BCL7C: variants seen among roughly 807,000 people sequenced by gnomAD.
The protein encoded by BCL7C is B-cell CLL/lymphoma 7 protein family member C.
In BCL7C, 8 loss-of-function variants were observed where a neutral mutation model predicts 26.2. The ratio of observed to expected loss-of-function variants is 0.30; its 90% CI spans 0.18 to 0.55. The LOEUF is 0.55. Among genes scored for constraint, BCL7C ranks in the 20% least tolerant of loss-of-function variants. The pLI is 0.93. For synonymous variants in BCL7C, 90 were observed against 116.5 expected (o/e 0.77, Z 1.47); for missense variants, 262 against 298.5 (o/e 0.88, Z 0.90).
chr16:30,882,690 A>G (rs192738809), intron 5 of BCL7C, among the ~76,000 whole-genome samples: 1 of 152,256 alleles, frequency 6.6e-6, no homozygotes, highest in East Asian at 1.9e-4. Flanking sequence ...AAGGACAGGA[A>G]GGTTCTAACT....
chr16:30,881,849 C>T (rs753469312), intron 5 of BCL7C, among the ~76,000 whole-genome samples: 6 of 152,226 alleles, frequency 3.9e-5, no homozygotes, highest in Non-Finnish European at 7.3e-5. Context: ...AAATCACACC[C>T]TGCTCTCTCC....
chr16:30,837,802 G>C (rs182764790), intron 5 of BCL7C, among the ~76,000 whole-genome samples: 22 of 152,288 alleles, frequency 1.4e-4, no homozygotes, highest in Admixed American at 1.4e-3. Context: ...GCTTTCCCAG[G>C]CATGCTGTCT....
chr16:30,864,128 C>A (rs188776706), intron 5 of BCL7C, among the ~76,000 whole-genome samples: 1 of 152,090 alleles, frequency 6.6e-6, no homozygotes, highest in African/African-American at 2.4e-5. Flanking sequence ...ATCACCGAGG[C>A]CCTGATTTAC....
In BCL7C at chr16:30,838,847, T is replaced by C. The variant is rs542563873; in HGVS notation, c.529-3699A>G. Reference sequence around the variant, plus strand: ...TATATCAGACCAGTGGCAAAATTTTTTTTCTGGGTATTAATAATGCATTAT... The same window carrying C: ...TATATCAGACCAGTGGCAAAATTTTCTTTCTGGGTATTAATAATGCATTAT... On this transcript the variant is annotated intron_variant, in intron 5 of 5. Transcript: ENST00000380317. 2.0e-5 allele frequency among the ~76,000 whole-genome samples: 3 copies of C among 152,328 alleles called. No homozygotes were observed. The South Asian group carries it at 6.2e-4, about 32-fold the overall frequency.
At position 30,861,534 on chromosome 16, in the gene BCL7C, C is replaced by T. The variant is rs148785451; in HGVS notation, c.529-26386G>A. Reference sequence around the variant, plus strand: ...GGGATCCTACTGGAAATTAGACTGTCCAACTCGCCCAGCAGCCACTGCCAG... The same window carrying T: ...GGGATCCTACTGGAAATTAGACTGTTCAACTCGCCCAGCAGCCACTGCCAG... On this transcript the variant is annotated intron_variant, in intron 5 of 5. Coordinates refer to the BCL7C transcript ENST00000380317. Among the ~76,000 whole-genome samples, 706 of 152,296 alleles carry T rather than the reference C, an allele frequency of 4.6e-3. 2 individuals are homozygous for T. Among genetic ancestry groups the T allele is most frequent in the Non-Finnish European group, 8.6e-3 (587 of 68,014 alleles).
At chr16:30,844,127 G>A (rs1443514154) in intron 5 of BCL7C, among the ~76,000 whole-genome samples, 8 of 150,036 alleles carry the variant, frequency 5.3e-5, no homozygotes, top group South Asian at 4.2e-4. Context: ...CGAGGCAGGC[G>A]GATCACAAGG....
At chr16:30,869,869 T>C (rs930426174) in intron 5 of BCL7C, among the ~76,000 whole-genome samples, 2 of 152,152 alleles carry the variant, frequency 1.3e-5, no homozygotes, top group African/African-American at 2.4e-5. Context: ...ACCTCCATGA[T>C]TGTTGAATGA....
exon 6 of BCL7C, chr16:30,835,118 G>A (rs762784864): frequency 1.3e-6 from 2 of 1,529,286 alleles, no homozygotes; most frequent in South Asian, 1.2e-5. Flanking sequence ...TTCTCGTGAA[G>A]GGCTCTCCTC....
intron 5 of BCL7C, 96 bp from the exon 6 acceptor site, chr16:30,888,086 C>T (rs929313378): frequency 7.3e-6 from 10 of 1,361,792 alleles, no homozygotes; most frequent in Non-Finnish European, 9.9e-6. Context: ...CCCCTCCCCT[C>T]CTGGGCCCGG....
chr16:30,874,480 G>A (rs368794760), intron 5 of BCL7C, among the ~76,000 whole-genome samples: 6 of 152,056 alleles, frequency 3.9e-5, no homozygotes, highest in African/African-American at 1.4e-4. Flanking sequence ...AGCCGGGCGT[G>A]GTGGCGCGTG....
At chr16:30,863,611 A>G (rs2054796428) in intron 5 of BCL7C, among the ~76,000 whole-genome samples, 1 of 152,178 alleles carries the variant, frequency 6.6e-6, no homozygotes, top group Non-Finnish European at 1.5e-5. Flanking sequence ...TAGTGTTCCA[A>G]CTTCTGTCCC....
At chr16:30,833,962 T>A (rs1179788910) in exon 6 of BCL7C, 1 of 152,258 alleles carries the variant, frequency 6.6e-6, no homozygotes, top group African/African-American at 2.4e-5. Flanking sequence ...AATTTCTCCA[T>A]CTGCAAAATG....
chr16:30,890,310 G>A (rs975743811), intron 4 of BCL7C, among the ~76,000 whole-genome samples: 1 of 151,720 alleles, frequency 6.6e-6, no homozygotes, highest in African/African-American at 2.4e-5. Context: ...CAGGAGAATT[G>A]CTTGAACTTG....
At position 30,834,803 on chromosome 16, in the gene BCL7C, G is replaced by A. The variant is rs1484573117; in HGVS notation, c.*145C>T. The A allele has an allele frequency of 1.1e-5, 8 of 761,468 alleles. No individual in the cohort carries two copies. The highest frequency in any genetic ancestry group is 1.6e-5 in the Non-Finnish European group (8 of 494,594). The allele number at this position is 761,468 out of a possible 1,614,324, so 47.2% of individuals were successfully genotyped here. A position where few individuals can be genotyped will look rare whatever the true frequency, so the allele number is the denominator to read the frequency against. On this transcript the variant is annotated 3_prime_UTR_variant, in exon 6 of 6. Coordinates refer to the BCL7C transcript ENST00000380317. The surrounding 1 kb of genome is among the most constrained non-coding windows in gnomAD (Gnocchi z 4.3). Reference sequence around the variant, plus strand: ...AGATGGGTGCTGTGGCCTTAGGTTCGGGCAGGTGTGGGGCCGCTCGCCCTC... The same window carrying A: ...AGATGGGTGCTGTGGCCTTAGGTTCAGGCAGGTGTGGGGCCGCTCGCCCTC...
At chr16:30,876,505 A>G (rs546097907) in intron 5 of BCL7C, among the ~76,000 whole-genome samples, 4 of 152,274 alleles carry the variant, frequency 2.6e-5, no homozygotes, top group Admixed American at 6.5e-5. Context: ...ATGAGCACCT[A>G]CTGTATGCCA....
At chr16:30,890,484 A>T (rs532839727) in intron 4 of BCL7C, among the ~76,000 whole-genome samples, 7 of 152,094 alleles carry the variant, frequency 4.6e-5, no homozygotes, top group Non-Finnish European at 1.0e-4. Context: ...CAGTTTCCTC[A>T]TCTATAAATA....
intron 5 of BCL7C, among the ~76,000 whole-genome samples, chr16:30,849,388 G>A (rs1429387899): frequency 2.0e-5 from 3 of 151,742 alleles, no homozygotes; most frequent in Non-Finnish European, 4.4e-5. Context: ...TTTGTATCTA[G>A]TAACAATTTT....
chr16:30,865,722 T>C lies in BCL7C; in HGVS notation c.528+23138A>G, dbSNP rs559110703. ...TACCGTGCACATACATATGGCTTTTTTTTTCTTTTTTTTTTTTTTTTTGAG... is the reference window on the plus strand; with the variant it reads ...TACCGTGCACATACATATGGCTTTTCTTTTCTTTTTTTTTTTTTTTTTGAG... On this transcript the variant is annotated intron_variant, in intron 5 of 5. Transcript: ENST00000380317. Among the ~76,000 whole-genome samples the C allele has an allele frequency of 2.2e-4, 25 of 115,232 alleles. No homozygotes were observed. In the East Asian group the frequency reaches 4.0e-3, roughly 19 times the overall value. The allele number at this position is 115,232 out of a possible 152,430, so 75.6% of individuals were successfully genotyped here. A position where few individuals can be genotyped will look rare whatever the true frequency, so the allele number is the denominator to read the frequency against.
chr16:30,879,813 C>T (rs2055015334), intron 5 of BCL7C, among the ~76,000 whole-genome samples: 1 of 150,404 alleles, frequency 6.6e-6, no homozygotes, highest in South Asian at 2.1e-4. Context: ...AATGGTGAAA[C>T]TCCATCTCTA....
Sources: gnomAD v4.1 joint callset for allele counts (sites outside exome capture counted in the v4.1 genomes callset) on GRCh38, gnomAD v4.1.1 for gene constraint, Gnocchi (gnomAD v3.1) non-coding constraint, MANE v1.5 for transcripts, NCBI Gene and HGNC (gene_info 2026-07-23, HGNC 2026-07-21) for gene names.